The following RALGPS1 variants were observed in gnomAD, a reference collection of about 807,000 sequenced individuals.
RALGPS1 encodes ras-specific guanine nucleotide-releasing factor RalGPS1.
Under a neutral mutation model 78.8 loss-of-function variants are expected in RALGPS1, and 19 were observed. The observed-to-expected ratio is 0.24, with a 90% confidence interval of 0.17 to 0.35. RALGPS1 has a LOEUF of 0.35. Ranked by LOEUF, RALGPS1 falls within the 10% of genes least tolerant of loss-of-function variation. The pLI, the probability that RALGPS1 is intolerant of heterozygous loss-of-function variation, is 1.00. For synonymous variants in RALGPS1, 228 were observed against 256.3 expected, an observed-to-expected ratio of 0.89 and a Z score of 1.06; for missense variants, 454 against 688.3, an observed-to-expected ratio of 0.66 and a Z score of 3.81.
At position 127,091,833 on chromosome 9, in the gene RALGPS1, G is replaced by C. The variant is rs1045659840; in HGVS notation, c.610+22477G>C. On this transcript the variant is annotated intron_variant, in intron 8 of 18. Coordinates refer to ENST00000259351, the MANE Select transcript of RALGPS1 (RefSeq NM_014636.3). The surrounding 1 kb of genome is among the most constrained non-coding windows in gnomAD (Gnocchi z 4.3). The stretch of plus-strand genomic sequence containing the variant: ...CGTATTCTGCAAAGACTTTGCGGCC[G>C]GACCAGTCCTCCATGGTCACCAGGA... The C allele has an allele frequency of 6.8e-6, 11 of 1,614,016 alleles. No individual in the cohort carries two copies. The Admixed American group carries it at 1.8e-4, about 27-fold the overall frequency.
chr9:127,178,152 C>A, intron 11 of RALGPS1: 1 of 666,312 alleles, frequency 1.5e-6, no homozygotes, highest in Non-Finnish European at 2.3e-6. Context: ...GGTCTGTGGG[C>A]AGGGAGGGGG....
chr9:127,177,100 G>A (rs1057436428), intron 11 of RALGPS1, among the ~76,000 whole-genome samples: 9 of 151,842 alleles, frequency 5.9e-5, no homozygotes, highest in African/African-American at 1.9e-4. Flanking sequence ...CTCATTCCTT[G>A]TTGGATCTTT....
chr9:126,922,833 G>A (rs1352529940), intron 1 of RALGPS1, among the ~76,000 whole-genome samples: 1 of 152,256 alleles, frequency 6.6e-6, no homozygotes, highest in Non-Finnish European at 1.5e-5. Flanking sequence ...AGAATGGTCT[G>A]AGCATGCCAT....
chr9:127,124,819 G>T (rs1211707730), intron 8 of RALGPS1, among the ~76,000 whole-genome samples: 1 of 152,216 alleles, frequency 6.6e-6, no homozygotes, highest in African/African-American at 2.4e-5. Context: ...ATTGAGTGGA[G>T]ACTGGATTAA....
rs1251586192 is a variant in RALGPS1, at chr9:127,203,343, A to G, written c.1247+4277A>G. On this transcript the variant is annotated intron_variant, in intron 14 of 18. Coordinates refer to ENST00000259351, the MANE Select transcript of RALGPS1 (RefSeq NM_014636.3). ...AACATTTAACTGTATAAAAGAAAAC[A>G]TAATCAGAAATGATTACTGATCAGT... is the stretch of plus-strand genomic sequence containing the variant. Among the ~76,000 whole-genome samples the G allele has an allele frequency of 2.0e-5, 3 of 152,378 alleles. No homozygotes were observed. In the East Asian group the frequency reaches 5.8e-4, roughly 29 times the overall value.
intron 1 of RALGPS1, among the ~76,000 whole-genome samples, chr9:126,931,204 A>G (rs2035759233): frequency 6.6e-6 from 1 of 152,210 alleles, no homozygotes. Flanking sequence ...CATCTCAGTC[A>G]TTTAATCTTG....
Position 127,039,474 on chromosome 9 carries a change from G to A in RALGPS1, c.300+4960G>A, listed in dbSNP as rs530022739. 2.0e-5 allele frequency among the ~76,000 whole-genome samples: 3 copies of A among 152,324 alleles called. No homozygotes were observed. The East Asian group carries it at 5.8e-4, about 29-fold the overall frequency. ...TACAACACTGGCTCCAAGGGGAGCT[G>A]AGAAGGGAGTGGCTGGAGAGTGGAG... On this transcript the variant is annotated intron_variant, in intron 5 of 18. Transcript: ENST00000259351.
chr9:127,167,499 G>GT (rs1199723155), intron 9 of RALGPS1, among the ~76,000 whole-genome samples: 1 of 152,162 alleles, frequency 6.6e-6, no homozygotes, highest in African/African-American at 2.4e-5. Flanking sequence ...CCCCTTGAAG[G>GT]TTTTCTCATG....
intron 4 of RALGPS1, among the ~76,000 whole-genome samples, chr9:127,028,244 C>T (rs1463622416): frequency 1.3e-5 from 2 of 152,258 alleles, no homozygotes; most frequent in Non-Finnish European, 2.9e-5. Flanking sequence ...CAGTTCTCCT[C>T]TAGGCTGCAA....
intron 8 of RALGPS1, among the ~76,000 whole-genome samples, chr9:127,126,109 C>T (rs2137990596): frequency 6.6e-6 from 1 of 152,198 alleles, no homozygotes; most frequent in East Asian, 1.9e-4. Context: ...TGAAGCTTCA[C>T]ACATCCCAAA....
intron 14 of RALGPS1, among the ~76,000 whole-genome samples, chr9:127,209,176 A>T (rs1423452555): frequency 1.3e-5 from 2 of 152,234 alleles, no homozygotes; most frequent in African/African-American, 2.4e-5. Flanking sequence ...ATCCCCGGTG[A>T]TTCTCAGAAG....
At chr9:126,974,748 A>G (rs956926956) in intron 3 of RALGPS1, among the ~76,000 whole-genome samples, 1 of 152,022 alleles carries the variant, frequency 6.6e-6, no homozygotes, top group Non-Finnish European at 1.5e-5. Context: ...CAGCCCCACT[A>G]CTGGCCGGAT....
At chr9:127,151,221 T>TG in intron 8 of RALGPS1, among the ~76,000 whole-genome samples, 1 of 151,650 alleles carries the variant, frequency 6.6e-6, no homozygotes. Flanking sequence ...ATTCAGAAGT[T>TG]GACAGCTGCT....
chr9:127,191,622 C>T (rs2061038058), intron 11 of RALGPS1, among the ~76,000 whole-genome samples: 2 of 151,702 alleles, frequency 1.3e-5, no homozygotes, highest in Admixed American at 6.6e-5. Flanking sequence ...CACTGTTTTT[C>T]TTCAGAATAG....
intron 18 of RALGPS1, 21 bp downstream of exon 18, chr9:127,214,863 C>A: frequency 6.2e-7 from 1 of 1,613,060 alleles, no homozygotes; most frequent in Non-Finnish European, 8.5e-7. Context: ...CAAAATCCTG[C>A]TTGTCACCTG....
chr9:127,076,132 T>C (rs1460578857), intron 8 of RALGPS1, among the ~76,000 whole-genome samples: 2 of 152,254 alleles, frequency 1.3e-5, no homozygotes, highest in African/African-American at 4.8e-5. Context: ...TATTTGCAGC[T>C]GATTTTATCT....
Position 126,945,490 on chromosome 9 carries a change from G to A in RALGPS1, c.-65-16735G>A, listed in dbSNP as rs111289970. ...TGGGATTAAAGGCATGAGCCACTTC[G>A]CTTGGCCTTCTCTTGCATTTTTAAT... On this transcript the variant is annotated intron_variant, in intron 1 of 18. Transcript: ENST00000259351. Among the ~76,000 whole-genome samples, 421 of 152,258 alleles carry A rather than the reference G, an allele frequency of 2.8e-3. 3 individuals carry two copies. Among genetic ancestry groups the A allele is most frequent in the African/African-American group, 9.5e-3 (395 of 41,548 alleles).
At chr9:126,942,928 T>C (rs1252079964) in intron 1 of RALGPS1, among the ~76,000 whole-genome samples, 1 of 152,178 alleles carries the variant, frequency 6.6e-6, no homozygotes, top group Non-Finnish European at 1.5e-5. Context: ...TTTCTGGATA[T>C]TTTTCTCTTT....
intron 11 of RALGPS1, among the ~76,000 whole-genome samples, chr9:127,188,544 C>T (rs2060813447): frequency 6.6e-6 from 1 of 152,088 alleles, no homozygotes; most frequent in African/African-American, 2.4e-5. Context: ...AGAGCCTCTC[C>T]TCTCTCCTGC....
Sources: allele counts gnomAD v4.1 joint callset (sites outside exome capture counted in the v4.1 genomes callset), GRCh38; gene constraint gnomAD v4.1.1; non-coding constraint Gnocchi (gnomAD v3.1); transcripts MANE v1.5; gene names NCBI Gene and HGNC (gene_info 2026-07-23, HGNC 2026-07-21).